SNRPN: variants seen among roughly 807,000 people sequenced by gnomAD.
SNRPN encodes the protein small nuclear ribonucleoprotein-associated protein N.
SNRPN carries 7 observed loss-of-function variants against 25.2 expected under a neutral mutation model. That is an observed-to-expected ratio of 0.28 (90% CI 0.16 to 0.52). SNRPN has a LOEUF of 0.52. Among genes scored for constraint, SNRPN ranks in the 20% least tolerant of loss-of-function variants. SNRPN has a pLI of 0.96. For synonymous variants in SNRPN, 124 were observed against 110.6 expected (o/e 1.12, Z -0.76); for missense variants, 196 against 322.5 (o/e 0.61, Z 3.00).
At chr15:24,854,830 A>C (rs1396833806), upstream of SNRPN, among the ~76,000 whole-genome samples, 1 of 152,022 alleles carries the variant, frequency 6.6e-6, no homozygotes, top group Non-Finnish European at 1.5e-5. Flanking sequence ...GTGAAACCCC[A>C]TCTCTACTAA....
At chr15:24,943,545 C>T (rs2061690971) in intron 3 of SNRPN, among the ~76,000 whole-genome samples, 1 of 152,140 alleles carries the variant, frequency 6.6e-6, no homozygotes, top group African/African-American at 2.4e-5. Context: ...CTTAACTTTA[C>T]AGCTGGGCTG....
chr15:24,869,351 A>AC (rs2054873146), intron 1 of SNRPN, among the ~76,000 whole-genome samples: 2 of 152,248 alleles, frequency 1.3e-5, no homozygotes. Context: ...TTAGTGGGTG[A>AC]TATTTGTCAC....
intron 1 of SNRPN, among the ~76,000 whole-genome samples, chr15:24,871,714 T>G (rs1339948517): frequency 1.3e-5 from 2 of 150,602 alleles, no homozygotes; most frequent in African/African-American, 2.4e-5. Context: ...TTTTGTCTCT[T>G]TTTTTTTTGA....
intron 2 of SNRPN, among the ~76,000 whole-genome samples, chr15:24,907,839 G>A (rs1490987290): frequency 6.6e-6 from 1 of 151,968 alleles, no homozygotes; most frequent in Non-Finnish European, 1.5e-5. Flanking sequence ...CAGATCATGA[G>A]GTCAGGAATT....
intron 2 of SNRPN, chr15:24,848,698 A>G (rs1161581030): frequency 1.3e-5 from 2 of 152,048 alleles, no homozygotes; most frequent in Non-Finnish European, 2.9e-5. Context: ...TAAATATCGG[A>G]TACTACTTTA....
At chr15:24,930,225 A>C (rs2060720447) in intron 3 of SNRPN, among the ~76,000 whole-genome samples, 5 of 151,130 alleles carry the variant, frequency 3.3e-5, no homozygotes. Flanking sequence ...AAAAAAAAAA[A>C]AAAACTGTTC....
In SNRPN at chr15:24,974,679, G is replaced by GGT. The variant is rs1320102362; in HGVS notation, c.3+225_3+226dup. The stretch of plus-strand genomic sequence containing the variant: ...TCTGTCTCCCAGTCTGGAGTGCAGT[G>GGT]GTGCGGTCTTGGCTCACTGCAACCC... On this transcript the variant is annotated intron_variant, in intron 4 of 9. Coordinates refer to ENST00000390687, the MANE Select transcript of SNRPN (RefSeq NM_003097.6). 33 of 621,970 alleles carry GGT rather than the reference G, an allele frequency of 5.3e-5. No individual in the cohort carries two copies. In the East Asian group the frequency reaches 8.2e-4, roughly 15 times the overall value. 38.5% of individuals were successfully genotyped at this position (621,970 alleles called of 1,614,324 possible).
At chr15:24,875,822 G>A (rs2055804436) in intron 1 of SNRPN, among the ~76,000 whole-genome samples, 1 of 152,106 alleles carries the variant, frequency 6.6e-6, no homozygotes, top group African/African-American at 2.4e-5. Flanking sequence ...GGGAGGCTGA[G>A]GCGGGCAGAT....
intron 1 of SNRPN, among the ~76,000 whole-genome samples, chr15:24,829,161 G>C (rs1303023796): frequency 1.3e-5 from 2 of 152,008 alleles, no homozygotes; most frequent in African/African-American, 4.8e-5. Flanking sequence ...TATGTGTGGG[G>C]CTCACAGGGA....
chr15:24,855,389 A>G (rs76724565), upstream of SNRPN, among the ~76,000 whole-genome samples: 1,925 of 152,292 alleles, frequency 0.013, 50 homozygotes, highest in African/African-American at 0.044. Context: ...AAAGGAATGG[A>G]TGAAACTTGA....
chr15:24,956,992 C>G (rs2063033462), intron 1 of SNRPN, among the ~76,000 whole-genome samples: 1 of 152,206 alleles, frequency 6.6e-6, no homozygotes, highest in Non-Finnish European at 1.5e-5. Context: ...GGTTTTCTGA[C>G]TCCCTGGAAA....
At chr15:24,860,165 CT>C (rs2053866630) in intron 1 of SNRPN, among the ~76,000 whole-genome samples, 1 of 152,130 alleles carries the variant, frequency 6.6e-6, no homozygotes, top group African/African-American at 2.4e-5. Context: ...ATCAGGGGCT[CT>C]GGATTTCAGT....
chr15:24,878,384 T>C (rs1417773167), intron 1 of SNRPN, among the ~76,000 whole-genome samples: 1 of 149,922 alleles, frequency 6.7e-6, no homozygotes, highest in African/African-American at 2.4e-5. Context: ...CACCTGACAG[T>C]TGGGGAGAAC....
intron 2 of SNRPN, among the ~76,000 whole-genome samples, chr15:24,905,364 C>A (rs1051128038): frequency 6.6e-6 from 1 of 151,792 alleles, no homozygotes; most frequent in Non-Finnish European, 1.5e-5. Flanking sequence ...CAAAAATTAA[C>A]TGGGCATGGT....
In SNRPN at chr15:24,834,728, C is replaced by CCTCTCT. The variant is rs372713413; in HGVS notation, c.-579+4842_-579+4847dup. 3.1e-3 allele frequency among the ~76,000 whole-genome samples: 133 copies of CCTCTCT among 42,776 alleles called. 4 individuals are homozygous for CCTCTCT. Among genetic ancestry groups the CCTCTCT allele is most frequent in the East Asian group, 7.5e-3 (8 of 1,068 alleles). The allele number at this position is 42,776 out of a possible 152,430, so 28.1% of individuals were successfully genotyped here. On this transcript the variant is annotated intron_variant, in intron 2 of 12. Transcript: ENST00000400100. The stretch of plus-strand genomic sequence containing the variant: ...GAGTGAGACCTTGTCTCTCTCTCTC[C>CCTCTCT]CTCTCTCTCTCTCTCTCTCTCTCTA...
chr15:24,970,445 G>T (rs2076254440), intron 3 of SNRPN, among the ~76,000 whole-genome samples: 1 of 152,050 alleles, frequency 6.6e-6, no homozygotes, highest in South Asian at 2.1e-4. Context: ...CGGGTGTAGT[G>T]GGGGACACCT....
intron 2 of SNRPN, among the ~76,000 whole-genome samples, chr15:24,830,082 ATTTTCTC>A (rs1447500119): frequency 6.6e-6 from 1 of 151,964 alleles, no homozygotes; most frequent in African/African-American, 2.4e-5. Flanking sequence ...AAACCCCACA[ATTTTCTC>A]ATGTTTTTCA....
intron 2 of SNRPN, among the ~76,000 whole-genome samples, chr15:24,848,185 C>G (rs1223550082): frequency 7.9e-6 from 1 of 126,718 alleles, no homozygotes; most frequent in African/African-American, 2.8e-5. Flanking sequence ...GCTCGTGGTG[C>G]GCTGTGGGAA....
intron 1 of SNRPN, among the ~76,000 whole-genome samples, chr15:24,827,350 TAA>T (rs1157401182): frequency 6.6e-6 from 1 of 150,592 alleles, no homozygotes; most frequent in African/African-American, 2.4e-5. Flanking sequence ...CCGTCTCTAC[TAA>T]AAATACAAAA....
Sources: gnomAD v4.1 joint callset for allele counts (sites outside exome capture counted in the v4.1 genomes callset) on GRCh38, gnomAD v4.1.1 for gene constraint, MANE v1.5 for transcripts, NCBI Gene and HGNC (gene_info 2026-07-23, HGNC 2026-07-21) for gene names.